Variants in BTC observed in about 807,000 individuals in gnomAD.
BTC encodes probetacellulin.
In BTC, 13 loss-of-function variants were observed where a neutral mutation model predicts 18.1. That is an observed-to-expected ratio of 0.72 (90% CI 0.47 to 1.14). BTC has a LOEUF of 1.14. Among genes scored for constraint, BTC ranks in the 50% most tolerant of loss-of-function variants. BTC has a pLI of 0.00. For synonymous variants in BTC, 83 were observed against 79.4 expected, an observed-to-expected ratio of 1.05 and a Z score of -0.24; for missense variants, 247 against 224.2, an observed-to-expected ratio of 1.10 and a Z score of -0.65.
chr4:74,769,440 G>A (rs1240115817), intron 2 of BTC, among the ~76,000 whole-genome samples: 1 of 152,074 alleles, frequency 6.6e-6, no homozygotes, highest in African/African-American at 2.4e-5. Context: ...GTCTATGACT[G>A]CTTTCACAGT....
chr4:74,758,803 A>G lies in BTC; in HGVS notation c.164-2827T>C, dbSNP rs371771446. Among the ~76,000 whole-genome samples the G allele has an allele frequency of 2.6e-4, 39 of 152,328 alleles. No individual in the cohort carries two copies. In the East Asian group the frequency reaches 3.7e-3, roughly 14 times the overall value. ...CACAGAGCTCTCTCCTTTGCCAAGT[A>G]AGCATGCTCTTAAATATTCCCAGCA... is the stretch of plus-strand genomic sequence containing the variant. On this transcript the variant is annotated intron_variant, in intron 2 of 5. Coordinates refer to ENST00000395743, the MANE Select transcript of BTC (RefSeq NM_001729.4).
chr4:74,791,171 G>T (rs187311952), intron 1 of BTC, among the ~76,000 whole-genome samples: 12 of 143,292 alleles, frequency 8.4e-5, no homozygotes, highest in African/African-American at 2.1e-4. Flanking sequence ...CCAAAACCCC[G>T]TCTCTTCAAA....
chr4:74,783,683 T>C lies in BTC; in HGVS notation c.64+10579A>G, dbSNP rs569141211. On this transcript the variant is annotated intron_variant, in intron 1 of 5. Transcript: ENST00000395743. Reference sequence around the variant, plus strand: ...CAATGGTAGTTTAATGGGGATAGCATTGAATCTATAAATTACACTGGGCAG... The same window carrying C: ...CAATGGTAGTTTAATGGGGATAGCACTGAATCTATAAATTACACTGGGCAG... Among the ~76,000 whole-genome samples the C allele has an allele frequency of 2.6e-5, 4 of 151,018 alleles. No individual in the cohort carries two copies. The East Asian group carries it at 5.9e-4, about 22-fold the overall frequency.
chr4:74,776,531 C>CA (rs1436477967), intron 1 of BTC, among the ~76,000 whole-genome samples: 1 of 152,086 alleles, frequency 6.6e-6, no homozygotes, highest in Non-Finnish European at 1.5e-5. Context: ...TTGAGATTCT[C>CA]AAGTTAAATA....
Position 74,745,593 on chromosome 4 carries a change from T to C in BTC, c.*1084A>G, listed in dbSNP as rs1724268213. 2 of 152,164 alleles carry C rather than the reference T, an allele frequency of 1.3e-5. No individual in the cohort carries two copies. Among genetic ancestry groups the C allele is most frequent in the South Asian group, 4.1e-4 (2 of 4,828 alleles). 9.4% of individuals were successfully genotyped at this position (152,164 alleles called of 1,614,324 possible). On this transcript the variant is annotated 3_prime_UTR_variant, in exon 6 of 6. Transcript: ENST00000395743. ...CACTTGGCAAGATGGTCCCAAGTAA[T>C]AGATGTTATGGTCATGAATTTACTG...
intron 1 of BTC, among the ~76,000 whole-genome samples, chr4:74,770,611 A>T (rs1725012812): frequency 6.6e-6 from 1 of 152,142 alleles, no homozygotes; most frequent in Admixed American, 6.6e-5. Context: ...TATTTGATCC[A>T]TGAGAATTCT....
At chr4:74,773,954 C>T (rs58242818) in intron 1 of BTC, among the ~76,000 whole-genome samples, 26,607 of 151,950 alleles carry the variant, frequency 0.18, 3,789 homozygotes, top group African/African-American at 0.4. Context: ...TGTACAACAA[C>T]GATGATAATG....
chr4:74,773,802 G>T (rs1725110205), intron 1 of BTC, among the ~76,000 whole-genome samples: 1 of 151,892 alleles, frequency 6.6e-6, no homozygotes, highest in African/African-American at 2.4e-5. Context: ...AGTAGAGATG[G>T]GGTTTCACTG....
intron 2 of BTC, among the ~76,000 whole-genome samples, chr4:74,761,024 G>A (rs1253758305): frequency 6.6e-6 from 1 of 152,114 alleles, no homozygotes; most frequent in Non-Finnish European, 1.5e-5. Context: ...GTGAGCCAAT[G>A]CGCCTGGCCT....
rs144571883 is a variant in BTC, at chr4:74,787,645, C to T, written c.64+6617G>A. On this transcript the variant is annotated intron_variant, in intron 1 of 5. Coordinates refer to ENST00000395743, the MANE Select transcript of BTC (RefSeq NM_001729.4). Reference sequence around the variant, plus strand: ...AGTATCAGCTGGGGTCTGGCACTGCCTAAGATCAATAAGCATAAAAGCAGG... The same window carrying T: ...AGTATCAGCTGGGGTCTGGCACTGCTTAAGATCAATAAGCATAAAAGCAGG... Among the ~76,000 whole-genome samples, 1,021 of 152,114 alleles carry T rather than the reference C, an allele frequency of 6.7e-3. 13 individuals carry two copies. The highest frequency in any genetic ancestry group is 0.023 in the African/African-American group (969 of 41,494).
intron 3 of BTC, among the ~76,000 whole-genome samples, chr4:74,754,138 T>G (rs1422503955): frequency 1.3e-5 from 2 of 152,210 alleles, no homozygotes; most frequent in Non-Finnish European, 2.9e-5. Context: ...CTGTCTGCTA[T>G]GATATTCTGC....
chr4:74,753,721 A>G (rs2109881742), intron 3 of BTC, among the ~76,000 whole-genome samples: 1 of 152,228 alleles, frequency 6.6e-6, no homozygotes, highest in East Asian at 1.9e-4. Flanking sequence ...TTGATTATCT[A>G]CCACTCATCT....
chr4:74,786,181 G>C (rs1437000496), intron 1 of BTC, among the ~76,000 whole-genome samples: 1 of 152,184 alleles, frequency 6.6e-6, no homozygotes, highest in Non-Finnish European at 1.5e-5. Flanking sequence ...CAGTAGGAAG[G>C]TGATCGTGAA....
intron 1 of BTC, among the ~76,000 whole-genome samples, chr4:74,790,393 C>T (rs948332590): frequency 1.4e-4 from 21 of 152,042 alleles, no homozygotes; most frequent in East Asian, 1.9e-4. Context: ...GTAAACTGGG[C>T]CAAGGAGGTT....
intron 1 of BTC, among the ~76,000 whole-genome samples, chr4:74,786,143 T>C (rs751214316): frequency 8.5e-5 from 13 of 152,302 alleles, no homozygotes; most frequent in Middle Eastern, 3.4e-3. Flanking sequence ...ATGAGACCAG[T>C]TGAGTGTCAG....
At chr4:74,776,139 CT>C (rs72097921) in intron 1 of BTC, among the ~76,000 whole-genome samples, 9 of 151,658 alleles carry the variant, frequency 5.9e-5, no homozygotes, top group Admixed American at 1.3e-4. Flanking sequence ...TTTATGGTTT[CT>C]TTTTTTCATT....
At position 74,780,685 on chromosome 4, in the gene BTC, T is replaced by C. The variant is rs375746367; in HGVS notation, c.65-10529A>G. 2.6e-5 allele frequency among the ~76,000 whole-genome samples: 4 copies of C among 152,294 alleles called. No homozygotes were observed. In the East Asian group the frequency reaches 7.7e-4, roughly 29 times the overall value. On this transcript the variant is annotated intron_variant, in intron 1 of 5. Transcript: ENST00000395743. Reference sequence around the variant, plus strand: ...CCTTATTTTAATAGATGGTAAAATATGAAATATGCAATGTCTTTAATGCAA... The same window carrying C: ...CCTTATTTTAATAGATGGTAAAATACGAAATATGCAATGTCTTTAATGCAA...
chr4:74,789,664 A>G (rs1725570134), intron 1 of BTC, among the ~76,000 whole-genome samples: 1 of 152,174 alleles, frequency 6.6e-6, no homozygotes, highest in Non-Finnish European at 1.5e-5. Context: ...ATTTTGTCCT[A>G]AGAAAACTTT....
intron 1 of BTC, among the ~76,000 whole-genome samples, chr4:74,789,044 T>C (rs914135420): frequency 6.6e-6 from 1 of 152,234 alleles, no homozygotes; most frequent in African/African-American, 2.4e-5. Flanking sequence ...TGATACACTC[T>C]GAGAAGCTAC....
Sources: allele counts gnomAD v4.1 joint callset (sites outside exome capture counted in the v4.1 genomes callset), GRCh38; gene constraint gnomAD v4.1.1; transcripts MANE v1.5; gene names NCBI Gene and HGNC (gene_info 2026-07-23, HGNC 2026-07-21).